Variants in RABGAP1L observed in about 807,000 individuals in gnomAD.
RABGAP1L encodes the protein RAB GTPase activating protein 1 like, also known as rab GTPase-activating protein 1-like.
A neutral mutation model predicts 137.7 loss-of-function variants in RABGAP1L; 63 were observed. The ratio of observed to expected loss-of-function variants is 0.46; its 90% CI spans 0.37 to 0.56. RABGAP1L has a LOEUF of 0.56. Among genes scored for constraint, RABGAP1L ranks in the 20% least tolerant of loss-of-function variants. The pLI, the probability that RABGAP1L is intolerant of heterozygous loss-of-function variation, is 0.00. For synonymous variants in RABGAP1L, 431 were observed against 433.7 expected (o/e 0.99, Z 0.08); for missense variants, 1,095 against 1,244.0 (o/e 0.88, Z 1.80).
At chr1:174,635,314 C>G (rs548546114) in intron 13 of RABGAP1L, among the ~76,000 whole-genome samples, 1 of 152,250 alleles carries the variant, frequency 6.6e-6, no homozygotes, top group South Asian at 2.1e-4. Context: ...AATATTTCAG[C>G]AATGGCAGTA....
chr1:174,266,884 A>C (rs1324797078), intron 7 of RABGAP1L, among the ~76,000 whole-genome samples: 1 of 152,218 alleles, frequency 6.6e-6, no homozygotes, highest in Non-Finnish European at 1.5e-5. Flanking sequence ...GAAGATGCAC[A>C]GTCTTAGAAG....
At chr1:174,786,966 G>A (rs1358527485) in intron 18 of RABGAP1L, among the ~76,000 whole-genome samples, 3 of 152,196 alleles carry the variant, frequency 2.0e-5, no homozygotes, top group Non-Finnish European at 2.9e-5. Context: ...AATATGTTGT[G>A]TGGTTAATCT....
At chr1:174,217,259 T>A (rs1007496902) in intron 1 of RABGAP1L, among the ~76,000 whole-genome samples, 2 of 152,190 alleles carry the variant, frequency 1.3e-5, no homozygotes, top group Admixed American at 1.3e-4. Flanking sequence ...ATTTTGGTCA[T>A]GTTTCATTTA....
chr1:174,378,992 G>T lies in RABGAP1L; in HGVS notation c.1559+7920G>T, dbSNP rs1277800246. ...GGTGTAAGGAAGGGATCCAGTTTCA[G>T]CTTTCTACATATGGCTAGCGAGTTT... On this transcript the variant is annotated intron_variant, in intron 12 of 25. Transcript: ENST00000681986. 3.8e-5 allele frequency among the ~76,000 whole-genome samples: 5 copies of T among 131,592 alleles called. No homozygotes were observed. In the East Asian group the frequency reaches 5.9e-4, roughly 15 times the overall value. 86.3% of individuals were successfully genotyped at this position (131,592 alleles called of 152,430 possible). A position where few individuals can be genotyped will look rare whatever the true frequency, so the allele number is the denominator to read the frequency against.
chr1:174,278,791 T>C lies in RABGAP1L; in HGVS notation c.1323+12T>C, dbSNP rs759283137. 8.6e-6 allele frequency: 13 copies of C among 1,507,588 alleles called. No individual in the cohort carries two copies. Among genetic ancestry groups the C allele is most frequent in the Non-Finnish European group, 1.1e-5 (12 of 1,133,782 alleles). The allele number at this position is 1,507,588 out of a possible 1,614,324, so 93.4% of individuals were successfully genotyped here. ...TGAGATTGAAACAGGTAGGACCTTT[T>C]TGTTCTCTTCATATATAGTAACAAA... On this transcript the variant is annotated intron_variant, in intron 10 of 25. Coordinates refer to ENST00000681986, the MANE Select transcript of RABGAP1L (RefSeq NM_001366446.1).
intron 14 of RABGAP1L, among the ~76,000 whole-genome samples, chr1:174,681,479 A>G (rs1678064810): frequency 6.6e-6 from 1 of 152,262 alleles, no homozygotes; most frequent in Non-Finnish European, 1.5e-5. Flanking sequence ...ACATTATTGT[A>G]TGATTCCATC....
intron 11 of RABGAP1L, among the ~76,000 whole-genome samples, chr1:174,353,201 C>T (rs12075263): frequency 0.12 from 18,592 of 152,066 alleles, 3,835 homozygotes; most frequent in African/African-American, 0.42. Flanking sequence ...TATCTGAGAG[C>T]GAGGGCCTGG....
chr1:174,550,772 C>A (rs1047734042), intron 13 of RABGAP1L, among the ~76,000 whole-genome samples: 1 of 148,026 alleles, frequency 6.8e-6, no homozygotes, highest in African/African-American at 2.5e-5. Context: ...GTAATCCCAG[C>A]ACTTTGGGAG....
chr1:174,713,965 T>A (rs990166369), intron 17 of RABGAP1L, among the ~76,000 whole-genome samples: 1 of 152,154 alleles, frequency 6.6e-6, no homozygotes, highest in African/African-American at 2.4e-5. Context: ...CCGATTACAC[T>A]CCTCTACTGA....
At chr1:174,932,163 T>C (rs193025571) in intron 19 of RABGAP1L, among the ~76,000 whole-genome samples, 1 of 151,756 alleles carries the variant, frequency 6.6e-6, no homozygotes, top group Non-Finnish European at 1.5e-5. Flanking sequence ...TTTTCCTTCA[T>C]ATAGGATGAA....
At chr1:174,214,893 A>T (rs1375214592) in intron 1 of RABGAP1L, among the ~76,000 whole-genome samples, 1 of 152,202 alleles carries the variant, frequency 6.6e-6, no homozygotes, top group Non-Finnish European at 1.5e-5. Flanking sequence ...TACTAAGAGA[A>T]ATTATTGGGA....
intron 13 of RABGAP1L, among the ~76,000 whole-genome samples, chr1:174,401,851 T>C (rs1648627912): frequency 6.6e-6 from 1 of 152,126 alleles, no homozygotes; most frequent in Non-Finnish European, 1.5e-5. Flanking sequence ...GATACAGCCA[T>C]TTCTGCCTAG....
intron 11 of RABGAP1L, among the ~76,000 whole-genome samples, chr1:174,348,240 C>G (rs974257712): frequency 6.7e-6 from 1 of 149,428 alleles, no homozygotes; most frequent in African/African-American, 2.5e-5. Context: ...CTGATGACAG[C>G]TTAACACTGA....
chr1:174,433,488 A>G (rs1165300319), intron 13 of RABGAP1L, among the ~76,000 whole-genome samples: 1 of 152,218 alleles, frequency 6.6e-6, no homozygotes, highest in Non-Finnish European at 1.5e-5. Flanking sequence ...ATCGAGAAAC[A>G]TAGTGGAACC....
At chr1:174,509,906 A>T (rs542244424) in intron 13 of RABGAP1L, among the ~76,000 whole-genome samples, 10 of 152,246 alleles carry the variant, frequency 6.6e-5, no homozygotes, top group Admixed American at 5.9e-4. Context: ...CTTATGTAAC[A>T]TCATCAAATT....
chr1:174,349,252 G>A (rs1449352537), intron 11 of RABGAP1L, among the ~76,000 whole-genome samples: 3 of 130,496 alleles, frequency 2.3e-5, no homozygotes, highest in Non-Finnish European at 3.4e-5. Flanking sequence ...CCTCCCTCCC[G>A]GACGGGGCGG....
At chr1:174,931,989 G>GTTT (rs1558247691) in intron 19 of RABGAP1L, among the ~76,000 whole-genome samples, 1 of 94,182 alleles carries the variant, frequency 1.1e-5, no homozygotes, top group Non-Finnish European at 2.1e-5. Flanking sequence ...CTGCTTTTTT[G>GTTT]GTTTTTTTTT....
chr1:174,803,054 A>C (rs538276698), intron 18 of RABGAP1L, among the ~76,000 whole-genome samples: 2 of 152,142 alleles, frequency 1.3e-5, no homozygotes, highest in African/African-American at 4.8e-5. Flanking sequence ...TTAAGATCCC[A>C]TTATTTTTTT....
At chr1:174,383,780 G>T (rs561514712) in intron 12 of RABGAP1L, among the ~76,000 whole-genome samples, 1 of 151,798 alleles carries the variant, frequency 6.6e-6, no homozygotes, top group Non-Finnish European at 1.5e-5. Context: ...GCTGTAGACC[G>T]GAGCTGTTCC....
Sources: gnomAD v4.1 joint callset for allele counts (sites outside exome capture counted in the v4.1 genomes callset) on GRCh38, gnomAD v4.1.1 for gene constraint, MANE v1.5 for transcripts, NCBI Gene and HGNC (gene_info 2026-07-23, HGNC 2026-07-21) for gene names.